The following SLC16A2 variants were observed in gnomAD, a reference collection of about 807,000 sequenced individuals.
SLC16A2 encodes the protein solute carrier family 16 member 2, also known as monocarboxylate transporter 8.
SLC16A2 carries 3 observed loss-of-function variants against 27.2 expected under a neutral mutation model. That is an observed-to-expected ratio of 0.11 (90% CI 0.05 to 0.28). The LOEUF (loss-of-function observed/expected upper bound fraction) is 0.28, where lower values mean the gene tolerates loss of function less well. SLC16A2 is among the 10% of genes least tolerant of loss of function. SLC16A2 has a pLI of 1.00. For synonymous variants in SLC16A2, 202 were observed against 187.8 expected (o/e 1.08, Z -0.62); for missense variants, 295 against 458.5 (o/e 0.64, Z 3.26).
chrX:74,454,764 C>T (rs771068805), intron 1 of SLC16A2, among the ~76,000 whole-genome samples: 1 of 111,347 alleles, frequency 9.0e-6, no homozygotes, highest in East Asian at 2.8e-4. Context: ...CTACACTAAG[C>T]CTTCACTTAT....
intron 1 of SLC16A2, among the ~76,000 whole-genome samples, chrX:74,479,918 C>T (rs1929578625): frequency 8.9e-6 from 1 of 112,287 alleles, no homozygotes; most frequent in South Asian, 3.7e-4. Context: ...CCTAGTTAGG[C>T]TACTTGGGCA....
intron 1 of SLC16A2, chrX:74,473,116 G>A (rs1929389144): frequency 3.5e-6 from 2 of 563,492 alleles, no homozygotes; most frequent in African/African-American, 4.5e-5. Flanking sequence ...CCACCATAGG[G>A]GCCAGAGCTT....
chrX:74,441,080 C>T (rs1465880540), intron 1 of SLC16A2, among the ~76,000 whole-genome samples: 1 of 103,776 alleles, frequency 9.6e-6, no homozygotes, highest in Non-Finnish European at 2.0e-5. Context: ...TTTTTTTAGA[C>T]GGAGTCTGTC....
At chrX:74,495,773 T>C (rs1375074386) in intron 1 of SLC16A2, among the ~76,000 whole-genome samples, 3 of 111,435 alleles carry the variant, frequency 2.7e-5, no homozygotes, top group Non-Finnish European at 5.7e-5. Context: ...TCTTCCTGCC[T>C]TTTTGCTTCT....
Position 74,497,280 on chromosome X carries a change from T to A in SLC16A2, c.431-23710T>A, listed in dbSNP as rs1369866476. Among the ~76,000 whole-genome samples the A allele has an allele frequency of 4.5e-5, 5 of 111,458 alleles. No homozygotes were observed. In the East Asian group the frequency reaches 1.4e-3, roughly 32 times the overall value. On this transcript the variant is annotated intron_variant, in intron 1 of 5. Transcript: ENST00000587091. The stretch of plus-strand genomic sequence containing the variant: ...CTCTTTCCTTCCTAGCACTTCCATA[T>A]CACTGGCTGTGCCCATTTCTGGGGG...
At chrX:74,518,084 C>A (rs889664649) in intron 1 of SLC16A2, among the ~76,000 whole-genome samples, 12 of 111,929 alleles carry the variant, frequency 1.1e-4, no homozygotes, top group African/African-American at 3.9e-4. Flanking sequence ...CTAGTGTAAT[C>A]ATCTAGGTTC....
At chrX:74,466,120 C>T (rs1023180279) in intron 1 of SLC16A2, among the ~76,000 whole-genome samples, 4 of 111,263 alleles carry the variant, frequency 3.6e-5, no homozygotes, top group Admixed American at 9.6e-5. Context: ...TCCGGATGGG[C>T]GGTGGATTCA....
In SLC16A2 at chrX:74,421,546, G is replaced by A; in HGVS notation, c.-92G>A. The A allele has an allele frequency of 9.1e-7, 1 of 1,102,325 alleles. No homozygotes were observed. Among genetic ancestry groups the A allele is most frequent in the Non-Finnish European group, 1.2e-6 (1 of 810,057 alleles). The allele number at this position is 1,102,325 out of a possible 1,213,427, so 90.8% of individuals were successfully genotyped here. ...GGAGGCAGCGGCAGCGGCAGCAGCA[G>A]CCCTCCGAGCAGCAGCAGCTGCAGC... is the stretch of plus-strand genomic sequence containing the variant. On this transcript the variant is annotated 5_prime_UTR_variant, in exon 1 of 6. Coordinates refer to ENST00000587091, the MANE Select transcript of SLC16A2 (RefSeq NM_006517.5).
intron 1 of SLC16A2, among the ~76,000 whole-genome samples, chrX:74,482,683 T>G (rs1929643332): frequency 9.0e-6 from 1 of 111,426 alleles, no homozygotes; most frequent in Non-Finnish European, 1.9e-5. Context: ...GGAAAGAATT[T>G]CTCACAAATT....
chrX:74,521,869 T>A (rs185185345), intron 2 of SLC16A2, among the ~76,000 whole-genome samples: 284 of 112,179 alleles, frequency 2.5e-3, no homozygotes, highest in African/African-American at 9.0e-3. Flanking sequence ...TCCCACTGGT[T>A]CCACTGGCAG....
intron 1 of SLC16A2, among the ~76,000 whole-genome samples, chrX:74,511,860 C>T (rs1166735315): frequency 9.0e-6 from 1 of 111,713 alleles, no homozygotes; most frequent in Non-Finnish European, 1.9e-5. Context: ...ACTCTGGGCC[C>T]TGCACAAGGC....
chrX:74,478,981 G>A (rs748126333), intron 1 of SLC16A2, among the ~76,000 whole-genome samples: 1 of 110,943 alleles, frequency 9.0e-6, no homozygotes, highest in South Asian at 3.9e-4. Context: ...CTCTTCTCGA[G>A]GAGTATCTTT....
chrX:74,523,665 G>A (rs952154481), intron 2 of SLC16A2, among the ~76,000 whole-genome samples: 3 of 111,308 alleles, frequency 2.7e-5, no homozygotes, highest in Non-Finnish European at 5.7e-5. Context: ...CTACTCTAGG[G>A]AACAAATCTA....
chrX:74,496,254 ACACACACACACACACACACACG>A (rs1367671072), intron 1 of SLC16A2, among the ~76,000 whole-genome samples: 4 of 62,831 alleles, frequency 6.4e-5, no homozygotes, highest in Non-Finnish European at 1.4e-4. Flanking sequence ...GACAGAAAAC[ACACACACACACACACACACACG>A]CACACACACA....
intron 1 of SLC16A2, among the ~76,000 whole-genome samples, chrX:74,435,553 ATTTTT>A (rs574089496): frequency 2.3e-5 from 2 of 87,816 alleles, no homozygotes; most frequent in African/African-American, 8.9e-5. Flanking sequence ...ATATATATAT[ATTTTT>A]TTTTTTTTTA....
intron 2 of SLC16A2, among the ~76,000 whole-genome samples, chrX:74,523,797 G>C (rs925096808): frequency 8.9e-6 from 1 of 112,191 alleles, no homozygotes; most frequent in East Asian, 2.8e-4. Context: ...CCTTGGGCAG[G>C]GTTTGGGAGG....
chrX:74,442,512 G>T (rs899267014), intron 1 of SLC16A2, among the ~76,000 whole-genome samples: 3 of 111,939 alleles, frequency 2.7e-5, no homozygotes, highest in Admixed American at 9.5e-5. Flanking sequence ...AACAGTCCAG[G>T]TCTCATGTCC....
At chrX:74,434,043 C>A (rs1208085075) in intron 1 of SLC16A2, among the ~76,000 whole-genome samples, 1 of 111,978 alleles carries the variant, frequency 8.9e-6, no homozygotes, top group East Asian at 2.8e-4. Context: ...TGCTCACCAG[C>A]CCTCCCTATA....
Position 74,532,733 on chromosome X carries a change from A to G in SLC16A2, c.*1180A>G, listed in dbSNP as rs947477791. 8 of 112,113 alleles carry G rather than the reference A, an allele frequency of 7.1e-5. No homozygotes were observed. The highest frequency in any genetic ancestry group is 2.8e-4 in the Admixed American group (3 of 10,665). 9.2% of individuals were successfully genotyped at this position (112,113 alleles called of 1,213,427 possible). A position where few individuals can be genotyped will look rare whatever the true frequency, so the allele number is the denominator to read the frequency against. On this transcript the variant is annotated 3_prime_UTR_variant, in exon 6 of 6. Coordinates refer to ENST00000587091, the MANE Select transcript of SLC16A2 (RefSeq NM_006517.5). Reference sequence around the variant, plus strand: ...GGCAGCAGTTGCACATAGGGTTGGAAAATTTCTTTTGGGAAGGGGAAGCCA... The same window carrying G: ...GGCAGCAGTTGCACATAGGGTTGGAGAATTTCTTTTGGGAAGGGGAAGCCA...
Sources: gnomAD v4.1 joint callset for allele counts (sites outside exome capture counted in the v4.1 genomes callset) on GRCh38, gnomAD v4.1.1 for gene constraint, MANE v1.5 for transcripts, NCBI Gene and HGNC (gene_info 2026-07-23, HGNC 2026-07-21) for gene names.